The following MYRIP variants were observed in gnomAD, a reference collection of about 807,000 sequenced individuals.
MYRIP encodes the protein myosin VIIA and Rab interacting protein, also known as rab effector MyRIP.
Under a neutral mutation model 98.0 loss-of-function variants are expected in MYRIP, and 49 were observed. The ratio of observed to expected loss-of-function variants is 0.50; its 90% confidence interval spans 0.40 to 0.63. The LOEUF is 0.63. Ranked by LOEUF, MYRIP falls within the 30% of genes least tolerant of loss-of-function variation. MYRIP has a pLI of 0.00. For synonymous variants in MYRIP, 404 were observed against 409.5 expected, an observed-to-expected ratio of 0.99 and a Z score of 0.16; for missense variants, 1,004 against 1,058.2, an observed-to-expected ratio of 0.95 and a Z score of 0.71.
At chr3:40,222,382 A>C (rs1952362628) in intron 11 of MYRIP, among the ~76,000 whole-genome samples, 1 of 152,114 alleles carries the variant, frequency 6.6e-6, no homozygotes, top group Non-Finnish European at 1.5e-5. Context: ...GGGGTGTCTT[A>C]TGGAAAGCTG....
chr3:40,223,247 A>C (rs1952386818), intron 11 of MYRIP, among the ~76,000 whole-genome samples: 1 of 17,332 alleles, frequency 5.8e-5, no homozygotes, highest in Admixed American at 8.4e-4. Context: ...AATCAAAACC[A>C]TCTGATAGAA....
intron 10 of MYRIP, among the ~76,000 whole-genome samples, chr3:40,193,652 A>C (rs942602584): frequency 6.6e-6 from 1 of 152,180 alleles, no homozygotes; most frequent in Non-Finnish European, 1.5e-5. Flanking sequence ...TAAGCTCCCA[A>C]AACTTCAGAG....
chr3:40,121,293 G>T (rs1338877259), intron 3 of MYRIP, among the ~76,000 whole-genome samples: 1 of 152,112 alleles, frequency 6.6e-6, no homozygotes, highest in Non-Finnish European at 1.5e-5. Flanking sequence ...TCTATCTTGG[G>T]TAATAAAGTT....
chr3:39,946,212 A>G (rs1944897779), intron 2 of MYRIP, among the ~76,000 whole-genome samples: 1 of 152,156 alleles, frequency 6.6e-6, no homozygotes, highest in Non-Finnish European at 1.5e-5. Context: ...CTCAAATTTA[A>G]TAGAAAAGCA....
In MYRIP at chr3:39,987,172, G is replaced by A. The variant is rs116311907; in HGVS notation, c.111-56878G>A. On this transcript the variant is annotated intron_variant, in intron 2 of 16. Transcript: ENST00000302541. Reference sequence around the variant, plus strand: ...TCCCTCCCTTTGCCCTCTACCCCACGACTGGCCCCAGTATGTGTCATTTCT... The same window carrying A: ...TCCCTCCCTTTGCCCTCTACCCCACAACTGGCCCCAGTATGTGTCATTTCT... Among the ~76,000 whole-genome samples the A allele has an allele frequency of 7.0e-3, 1,063 of 151,960 alleles. 12 individuals are homozygous for A. Among genetic ancestry groups the A allele is most frequent in the African/African-American group, 0.024 (1,005 of 41,422 alleles).
intron 3 of MYRIP, among the ~76,000 whole-genome samples, chr3:40,054,831 T>C (rs552992567): frequency 1.3e-5 from 2 of 152,334 alleles, no homozygotes; most frequent in South Asian, 2.1e-4. Context: ...GCAACCGTCA[T>C]CGTCTGCCGC....
intron 2 of MYRIP, among the ~76,000 whole-genome samples, chr3:40,024,940 T>G (rs959998082): frequency 2.0e-5 from 3 of 152,206 alleles, no homozygotes; most frequent in Admixed American, 6.5e-5. Flanking sequence ...TTTTGGTGCC[T>G]GCTGCACAAC....
chr3:39,869,088 C>T (rs190399622), intron 1 of MYRIP, among the ~76,000 whole-genome samples: 50 of 152,188 alleles, frequency 3.3e-4, no homozygotes, highest in African/African-American at 1.2e-3. Flanking sequence ...TCTGGATGTG[C>T]GATTAATACT....
intron 3 of MYRIP, among the ~76,000 whole-genome samples, chr3:40,149,222 G>A (rs184230904): frequency 6.6e-5 from 10 of 152,294 alleles, no homozygotes; most frequent in Non-Finnish European, 1.0e-4. Flanking sequence ...AGAATGCAAG[G>A]GAGCCTGTGT....
intron 1 of MYRIP, among the ~76,000 whole-genome samples, chr3:39,872,490 C>G (rs1490701833): frequency 7.1e-6 from 1 of 141,546 alleles, no homozygotes; most frequent in Non-Finnish European, 1.5e-5. Flanking sequence ...CTCCCCCCTC[C>G]CCCCATCCCA....
At chr3:40,037,885 G>C (rs183421223) in intron 2 of MYRIP, among the ~76,000 whole-genome samples, 8 of 152,164 alleles carry the variant, frequency 5.3e-5, no homozygotes, top group East Asian at 1.9e-4. Context: ...AAAAGCTTAG[G>C]TCACAGATGC....
At chr3:40,022,923 G>C (rs561361961) in intron 2 of MYRIP, among the ~76,000 whole-genome samples, 1 of 152,270 alleles carries the variant, frequency 6.6e-6, no homozygotes, top group South Asian at 2.1e-4. Context: ...CTGGAAAAGA[G>C]ACTGGCAGTT....
At chr3:40,052,901 T>C (rs965369527) in intron 3 of MYRIP, among the ~76,000 whole-genome samples, 1 of 152,078 alleles carries the variant, frequency 6.6e-6, no homozygotes, top group Non-Finnish European at 1.5e-5. Flanking sequence ...AAAACTGCAA[T>C]GCAAAATGTA....
chr3:39,885,762 G>T lies in MYRIP; in HGVS notation c.-30-15025G>T, dbSNP rs138915568. On this transcript the variant is annotated intron_variant, in intron 1 of 16. Coordinates refer to ENST00000302541, the MANE Select transcript of MYRIP (RefSeq NM_015460.4). The stretch of plus-strand genomic sequence containing the variant: ...TTGATTCATTTGATCTTCCATCACT[G>T]ATACCCTATCTTCCAGTTGATCGCA... 2.6e-3 allele frequency among the ~76,000 whole-genome samples: 390 copies of T among 151,972 alleles called. 1 individual carries two copies. Among genetic ancestry groups the T allele is most frequent in the African/African-American group, 9.0e-3 (372 of 41,426 alleles).
At chr3:40,162,633 A>G (rs1950420191) in intron 4 of MYRIP, 97 bp from the exon 5 acceptor site, 5 of 1,033,626 alleles carry the variant, frequency 4.8e-6, no homozygotes, top group Non-Finnish European at 7.5e-6. Context: ...CCAAGTGTGT[A>G]ATAGTGGTCT....
chr3:40,258,310 C>A lies in MYRIP; in HGVS notation c.*144C>A. ...ACAGTGCACCATTGCACAGGGCTGT[C>A]CTGATACCTCATCCAGAAAGCCGTC... On this transcript the variant is annotated 3_prime_UTR_variant, in exon 17 of 17. Coordinates refer to ENST00000302541, the MANE Select transcript of MYRIP (RefSeq NM_015460.4). The A allele has an allele frequency of 1.1e-6, 1 of 876,866 alleles. No homozygotes were observed. The highest frequency in any genetic ancestry group is 1.8e-6 in the Non-Finnish European group (1 of 544,400). The allele number at this position is 876,866 out of a possible 1,614,324, so 54.3% of individuals were successfully genotyped here.
chr3:40,167,816 G>T (rs371470505), intron 7 of MYRIP, among the ~76,000 whole-genome samples: 91 of 152,224 alleles, frequency 6.0e-4, no homozygotes, highest in Middle Eastern at 6.8e-3. Flanking sequence ...TACCATTACC[G>T]GTTTAATATA....
chr3:40,139,758 T>C (rs1430747558), intron 3 of MYRIP, among the ~76,000 whole-genome samples: 2 of 152,124 alleles, frequency 1.3e-5, no homozygotes, highest in African/African-American at 4.8e-5. Context: ...TTTTGTATTT[T>C]TAGTAGAGAT....
chr3:39,868,585 CA>C (rs774674686), intron 1 of MYRIP, among the ~76,000 whole-genome samples: 5 of 152,038 alleles, frequency 3.3e-5, no homozygotes, highest in Non-Finnish European at 7.4e-5. Flanking sequence ...TTTAAAATGC[CA>C]AAATAGAGTA....
Sources: gnomAD v4.1 joint callset for allele counts (sites outside exome capture counted in the v4.1 genomes callset) on GRCh38, gnomAD v4.1.1 for gene constraint, MANE v1.5 for transcripts, NCBI Gene and HGNC (gene_info 2026-07-23, HGNC 2026-07-21) for gene names.